The following FHIP2A variants were observed in gnomAD, a reference collection of about 807,000 sequenced individuals.
The protein encoded by FHIP2A is FHF complex subunit HOOK interacting protein 2A.
In FHIP2A, 46 loss-of-function variants were observed where a neutral mutation model predicts 93.5. That is an observed-to-expected ratio of 0.49 (90% CI 0.39 to 0.63). The LOEUF (loss-of-function observed/expected upper bound fraction) is 0.63, where lower values mean the gene tolerates loss of function less well. FHIP2A is among the 20% of genes least tolerant of loss of function. The probability of loss-of-function intolerance (pLI) is 0.00; values close to 1 mark genes in which losing one functional copy is unlikely to be tolerated. For synonymous variants in FHIP2A, 332 were observed against 326.5 expected (o/e 1.02, Z -0.18); for missense variants, 769 against 909.7 (o/e 0.85, Z 1.99).
chr10:114,866,252 T>G (rs1208761565), downstream of FHIP2A, among the ~76,000 whole-genome samples: 1 of 152,118 alleles, frequency 6.6e-6, no homozygotes, highest in Non-Finnish European at 1.5e-5. Context: ...TTGCTAAGAA[T>G]AATGGCCTCC....
intron 9 of FHIP2A, 31 bp downstream of exon 9, chr10:114,846,120 C>T (rs771428313): frequency 1.9e-5 from 31 of 1,611,700 alleles, no homozygotes; most frequent in African/African-American, 1.3e-4. Flanking sequence ...TGAAAAAAAC[C>T]GCATCACTGT....
intron 13 of FHIP2A, among the ~76,000 whole-genome samples, chr10:114,849,992 C>T (rs754489301): frequency 1.6e-4 from 24 of 152,220 alleles, no homozygotes; most frequent in East Asian, 5.8e-4. Context: ...TTTTATTGTA[C>T]GGATATTTTG....
intron 16 of FHIP2A, among the ~76,000 whole-genome samples, chr10:114,896,218 A>C (rs2084000588): frequency 6.6e-6 from 1 of 152,150 alleles, no homozygotes; most frequent in Non-Finnish European, 1.5e-5. Flanking sequence ...AGGTAATAGA[A>C]AACTATAGAA....
In FHIP2A at chr10:114,862,125, A is replaced by G. The variant is rs1279223315; in HGVS notation, c.*585A>G. On this transcript the variant is annotated 3_prime_UTR_variant, in exon 17 of 17. Transcript: ENST00000369248. The stretch of plus-strand genomic sequence containing the variant: ...AACTTTCTTCAGCTTTTTTAAGAAT[A>G]ACAATTTAATATGATAAATTCTTGA... 2 of 921,758 alleles carry G rather than the reference A, an allele frequency of 2.2e-6. No homozygotes were observed. The highest frequency in any genetic ancestry group is 2.6e-6 in the Non-Finnish European group (2 of 771,848). 57.1% of individuals were successfully genotyped at this position (921,758 alleles called of 1,614,324 possible).
At chr10:114,897,084 G>T (rs541546119) in intron 16 of FHIP2A, among the ~76,000 whole-genome samples, 1 of 152,328 alleles carries the variant, frequency 6.6e-6, no homozygotes, top group East Asian at 1.9e-4. Context: ...CCACAATTTA[G>T]CCTTAATATT....
At chr10:114,895,181 T>C (rs1474700783) in intron 16 of FHIP2A, among the ~76,000 whole-genome samples, 1 of 152,254 alleles carries the variant, frequency 6.6e-6, no homozygotes, top group Non-Finnish European at 1.5e-5. Context: ...ATTTTCTTCC[T>C]GCTGACAATG....
chr10:114,860,374 C>CA (rs1186078554), intron 14 of FHIP2A, among the ~76,000 whole-genome samples: 2 of 151,962 alleles, frequency 1.3e-5, no homozygotes, highest in Non-Finnish European at 2.9e-5. Flanking sequence ...TTGTTTGAGA[C>CA]AGAGTTTCGC....
chr10:114,830,188 C>T (rs1238414035), intron 1 of FHIP2A, among the ~76,000 whole-genome samples: 1 of 151,698 alleles, frequency 6.6e-6, no homozygotes, highest in East Asian at 1.9e-4. Flanking sequence ...TACAAAGATT[C>T]CTGGCTATTA....
At chr10:114,885,121 G>A (rs190287102) in intron 16 of FHIP2A, among the ~76,000 whole-genome samples, 33 of 152,020 alleles carry the variant, frequency 2.2e-4, no homozygotes, top group Non-Finnish European at 3.2e-4. Flanking sequence ...CCGGCCTGGC[G>A]AGGTGGCTCA....
intron 4 of FHIP2A, 53 bp from the exon 5 acceptor site, chr10:114,836,071 A>G: frequency 7.0e-7 from 1 of 1,425,714 alleles, no homozygotes; most frequent in South Asian, 1.4e-5. Flanking sequence ...TTATTTTACA[A>G]ATTTGTAAAA....
chr10:114,892,591 C>T (rs1404381353), intron 16 of FHIP2A, among the ~76,000 whole-genome samples: 5 of 151,876 alleles, frequency 3.3e-5, no homozygotes, highest in African/African-American at 4.8e-5. Flanking sequence ...TGAGTGGAGA[C>T]GGTGCCACTG....
intron 1 of FHIP2A, among the ~76,000 whole-genome samples, chr10:114,830,270 C>CTTT (rs5788083): frequency 0.044 from 4,638 of 105,370 alleles, 269 homozygotes; most frequent in Admixed American, 0.1. Context: ...CTGAAACCTA[C>CTTT]TTTTTTTTTT....
At chr10:114,871,023 T>A (rs2083856989) in intron 16 of FHIP2A, among the ~76,000 whole-genome samples, 1 of 150,972 alleles carries the variant, frequency 6.6e-6, no homozygotes, top group South Asian at 2.1e-4. Context: ...CCTCCACATA[T>A]ATATATATAT....
At chr10:114,876,386 C>A (rs1303851314) in intron 16 of FHIP2A, among the ~76,000 whole-genome samples, 1 of 152,204 alleles carries the variant, frequency 6.6e-6, no homozygotes, top group Non-Finnish European at 1.5e-5. Flanking sequence ...GTACTGCAGT[C>A]CAGACTCCAT....
At chr10:114,874,691 A>G (rs2083875449) in intron 16 of FHIP2A, among the ~76,000 whole-genome samples, 2 of 152,016 alleles carry the variant, frequency 1.3e-5, no homozygotes, top group African/African-American at 4.8e-5. Context: ...TTTAGTAGAA[A>G]TGGGGTTTCA....
intron 16 of FHIP2A, among the ~76,000 whole-genome samples, chr10:114,886,264 G>A (rs1005151413): frequency 9.9e-5 from 15 of 152,216 alleles, no homozygotes; most frequent in African/African-American, 1.4e-4. Flanking sequence ...TAAGTAACTC[G>A]CCAAAGGCCA....
intron 5 of FHIP2A, among the ~76,000 whole-genome samples, chr10:114,841,007 A>G (rs1468200187): frequency 6.6e-6 from 1 of 152,172 alleles, no homozygotes; most frequent in African/African-American, 2.4e-5. Context: ...ACAGTTCCTC[A>G]TCACCTAGGA....
intron 16 of FHIP2A, among the ~76,000 whole-genome samples, chr10:114,886,890 C>T (rs1364223615): frequency 6.6e-6 from 1 of 152,060 alleles, no homozygotes; most frequent in East Asian, 1.9e-4. Flanking sequence ...TCCCAAGTAG[C>T]TGGGATTACA....
chr10:114,823,656 G>T (rs1009550422), intron 1 of FHIP2A, among the ~76,000 whole-genome samples: 29 of 131,402 alleles, frequency 2.2e-4, no homozygotes, highest in Non-Finnish European at 3.9e-4. Context: ...CACCACACAC[G>T]GCTAATTTTT....
Sources: allele counts gnomAD v4.1 joint callset (sites outside exome capture counted in the v4.1 genomes callset), GRCh38; gene constraint gnomAD v4.1.1; transcripts MANE v1.5; gene names NCBI Gene and HGNC (gene_info 2026-07-23, HGNC 2026-07-21).